The following GANC variants were observed in gnomAD, a reference collection of about 807,000 sequenced individuals.
The protein encoded by GANC is glucosidase alpha, neutral C, also known as neutral alpha-glucosidase C.
GANC carries 117 observed loss-of-function variants against 124.2 expected under a neutral mutation model. That is an observed-to-expected ratio of 0.94 (90% CI 0.81 to 1.10). GANC has a LOEUF of 1.10. Among genes scored for constraint, GANC ranks in the 50% least tolerant of loss-of-function variants. The pLI is 0.00. For missense variants in GANC, 1,140 were observed against 1,095.0 expected, an observed-to-expected ratio of 1.04 and a Z score of -0.58; for synonymous variants, 377 against 376.8, an observed-to-expected ratio of 1.00 and a Z score of -0.01.
intron 10 of GANC, chr15:42,313,802 TCA>T: frequency 4.2e-6 from 2 of 479,508 alleles, no homozygotes; most frequent in Admixed American, 7.8e-5. Context: ...GCACAGTGGC[TCA>T]CGCCTGTAAT....
intron 10 of GANC, chr15:42,314,237 G>A (rs570935362): frequency 4.1e-5 from 29 of 714,082 alleles, no homozygotes; most frequent in East Asian, 7.6e-5. Flanking sequence ...CCTGAAGCAC[G>A]TAGCTACCCA....
intron 4 of GANC, among the ~76,000 whole-genome samples, chr15:42,290,500 G>A (rs936966317): frequency 1.3e-5 from 2 of 152,148 alleles, no homozygotes; most frequent in African/African-American, 4.8e-5. Context: ...CTGGGAAAAC[G>A]TAGGACTCCT....
chr15:42,319,192 A>G lies in GANC; in HGVS notation c.1058-2593A>G, dbSNP rs939382811. ...CTTGGTTTTTGTTTTCATTTTATGC[A>G]AAGCAATGGCAAAACATTTATTATC... is the stretch of plus-strand genomic sequence containing the variant. On this transcript the variant is annotated intron_variant, in intron 10 of 23. Coordinates refer to ENST00000318010, the MANE Select transcript of GANC (RefSeq NM_198141.3). Among the ~76,000 whole-genome samples, 6 of 152,142 alleles carry G rather than the reference A, an allele frequency of 3.9e-5. 1 individual carries two copies. Among genetic ancestry groups the G allele is most frequent in the Admixed American group, 6.5e-5 (1 of 15,280 alleles).
At chr15:42,321,764 G>A in intron 10 of GANC, 21 bp from the exon 11 acceptor site, 1 of 1,597,628 alleles carries the variant, frequency 6.3e-7, no homozygotes, top group Non-Finnish European at 8.6e-7. Context: ...AGTTGACTCA[G>A]TTGTCATCTC....
chr15:42,297,260 T>C (rs2051900794), intron 5 of GANC, among the ~76,000 whole-genome samples: 1 of 152,226 alleles, frequency 6.6e-6, no homozygotes, highest in South Asian at 2.1e-4. Context: ...AAAATACTTC[T>C]ACATTAAGAA....
chr15:42,273,601 G>T lies in GANC; in HGVS notation c.-881G>T. The T allele has an allele frequency of 1.2e-6, 1 of 829,270 alleles. No homozygotes were observed. Among genetic ancestry groups the T allele is most frequent in the Non-Finnish European group, 1.8e-6 (1 of 548,190 alleles). The allele number at this position is 829,270 out of a possible 1,614,324, so 51.4% of individuals were successfully genotyped here. A position where few individuals can be genotyped will look rare whatever the true frequency, so the allele number is the denominator to read the frequency against. Reference sequence around the variant, plus strand: ...GGACCTACTGCGCAGGCGTCATCCTGTTGGAACCTGGTCAGCTGGGTTAGA... The same window carrying T: ...GGACCTACTGCGCAGGCGTCATCCTTTTGGAACCTGGTCAGCTGGGTTAGA... On this transcript the variant is annotated 5_prime_UTR_variant, in exon 1 of 24. Coordinates refer to ENST00000318010, the MANE Select transcript of GANC (RefSeq NM_198141.3).
At chr15:42,288,746 A>G (rs1206872574) in intron 4 of GANC, among the ~76,000 whole-genome samples, 1 of 152,048 alleles carries the variant, frequency 6.6e-6, no homozygotes, top group East Asian at 1.9e-4. Context: ...CTGGTATCAA[A>G]CTCCTGGCCT....
intron 3 of GANC, among the ~76,000 whole-genome samples, chr15:42,282,473 A>C (rs1278918844): frequency 6.6e-6 from 1 of 152,218 alleles, no homozygotes; most frequent in South Asian, 2.1e-4. Context: ...TCAGAATGAT[A>C]GCTTTTTATT....
rs530818531 is a variant in GANC at position 42,346,484 on chromosome 15, A to G, written c.2304+652A>G. Among the ~76,000 whole-genome samples the G allele has an allele frequency of 3.2e-4, 49 of 152,310 alleles. 1 individual carries two copies. Among genetic ancestry groups the G allele is most frequent in the African/African-American group, 1.1e-3 (47 of 41,574 alleles). On this transcript the variant is annotated intron_variant, in intron 20 of 23. Transcript: ENST00000318010. Reference sequence around the variant, plus strand: ...AATATGCTGAAAACTGTTTAATTGTATACTTTAAATTGGTGAGTTGTATGG... The same window carrying G: ...AATATGCTGAAAACTGTTTAATTGTGTACTTTAAATTGGTGAGTTGTATGG...
At chr15:42,288,212 C>A (rs73403365) in intron 4 of GANC, among the ~76,000 whole-genome samples, 10,047 of 152,174 alleles carry the variant, frequency 0.066, 731 homozygotes, top group Admixed American at 0.17. Context: ...AGATCTAATA[C>A]GCTAGCCAAA....
intron 11 of GANC, among the ~76,000 whole-genome samples, chr15:42,325,836 A>T (rs2052194363): frequency 6.6e-6 from 1 of 152,278 alleles, no homozygotes; most frequent in East Asian, 1.9e-4. Flanking sequence ...GGCTCACTGT[A>T]GCCGCGACCT....
intron 20 of GANC, 47 bp downstream of exon 20, chr15:42,345,879 T>C (rs2052359464): frequency 7.5e-7 from 1 of 1,334,446 alleles, no homozygotes; most frequent in Admixed American, 1.8e-5. Flanking sequence ...GCTCTATTGG[T>C]CGGCTAGGGC....
chr15:42,345,670 T>C, intron 19 of GANC, 88 bp from the exon 20 acceptor site: 4 of 713,016 alleles, frequency 5.6e-6, no homozygotes, highest in Non-Finnish European at 9.7e-6. Context: ...TTATTTGAAA[T>C]CCAGGTAAGT....
intron 12 of GANC, 142 bp downstream of exon 12, chr15:42,326,566 G>C (rs1386684428): frequency 2.2e-6 from 3 of 1,377,574 alleles, no homozygotes; most frequent in Non-Finnish European, 2.9e-6. Flanking sequence ...TGAAGAGATA[G>C]GTTTGCCTTC....
At chr15:42,326,510 T>A in intron 12 of GANC, 86 bp downstream of exon 12, 1 of 1,587,056 alleles carries the variant, frequency 6.3e-7, no homozygotes, top group South Asian at 1.2e-5. Context: ...TGCTCCCTTG[T>A]AGATGTCTCT....
intron 6 of GANC, among the ~76,000 whole-genome samples, chr15:42,299,777 A>G (rs1177976743): frequency 6.6e-6 from 1 of 152,228 alleles, no homozygotes; most frequent in African/African-American, 2.4e-5. Context: ...AGTGGAACAG[A>G]ACAGAGACCT....
At chr15:42,297,772 C>A in intron 6 of GANC, 116 bp downstream of exon 6, 1 of 617,196 alleles carries the variant, frequency 1.6e-6, no homozygotes, top group Non-Finnish European at 2.7e-6. Context: ...TGATCGACTG[C>A]ATATAAATAG....
intron 4 of GANC, 85 bp from the exon 5 acceptor site, chr15:42,292,650 C>T: frequency 7.8e-7 from 1 of 1,288,264 alleles, no homozygotes; most frequent in Non-Finnish European, 1.1e-6. Flanking sequence ...TATTGATTTA[C>T]TAATTAATTA....
At chr15:42,280,695 A>G (rs1349959949) in intron 3 of GANC, among the ~76,000 whole-genome samples, 2 of 152,136 alleles carry the variant, frequency 1.3e-5, no homozygotes, top group African/African-American at 2.4e-5. Flanking sequence ...ATCCCTATCC[A>G]TTCTTGAGGA....
Sources: allele counts gnomAD v4.1 joint callset (sites outside exome capture counted in the v4.1 genomes callset), GRCh38; gene constraint gnomAD v4.1.1; transcripts MANE v1.5; gene names NCBI Gene and HGNC (gene_info 2026-07-23, HGNC 2026-07-21).